Variants in EBF1 observed in about 807,000 individuals in gnomAD.
EBF1 encodes EBF transcription factor 1.
EBF1 carries 10 observed loss-of-function variants against 68.4 expected under a neutral mutation model. The observed-to-expected ratio is 0.15, with a 90% CI of 0.09 to 0.25. The LOEUF (loss-of-function observed/expected upper bound fraction) is 0.25. Ranked by LOEUF, EBF1 falls within the 10% of genes least tolerant of loss-of-function variation. The pLI is 1.00. For synonymous variants in EBF1, 298 were observed against 299.8 expected, an observed-to-expected ratio of 0.99 and a Z score of 0.06; for missense variants, 509 against 794.4, an observed-to-expected ratio of 0.64 and a Z score of 4.32.
In EBF1 at chr5:158,918,144, G is replaced by A. The variant is rs998287339; in HGVS notation, c.555-78034C>T. ...TCATTTGAAAGAAGAATTTTATGGC[G>A]ATTTTGTTTAAAGAATTCCACTGAT... is the stretch of plus-strand genomic sequence containing the variant. On this transcript the variant is annotated intron_variant, in intron 6 of 15. Coordinates refer to ENST00000313708, the MANE Select transcript of EBF1 (RefSeq NM_024007.5). 1.2e-4 allele frequency among the ~76,000 whole-genome samples: 19 copies of A among 152,260 alleles called. No homozygotes were observed. In the South Asian group the frequency reaches 1.5e-3, roughly 12 times the overall value.
intron 6 of EBF1, among the ~76,000 whole-genome samples, chr5:158,874,505 C>T (rs1797449218): frequency 6.6e-6 from 1 of 152,118 alleles, no homozygotes; most frequent in South Asian, 2.1e-4. Context: ...TAAATGTCTA[C>T]CGAAACCAAC....
chr5:158,939,302 G>A (rs1357012096), intron 6 of EBF1, among the ~76,000 whole-genome samples: 1 of 152,212 alleles, frequency 6.6e-6, no homozygotes, highest in East Asian at 1.9e-4. Context: ...GTGCTCCAAA[G>A]TACAAAGCTG....
intron 6 of EBF1, among the ~76,000 whole-genome samples, chr5:158,918,367 C>T (rs1807668546): frequency 6.6e-6 from 1 of 152,148 alleles, no homozygotes; most frequent in South Asian, 2.1e-4. Context: ...AATCCTCAGG[C>T]TCACCCAACT....
At chr5:158,879,955 C>T (rs1038878468) in intron 6 of EBF1, among the ~76,000 whole-genome samples, 1 of 152,116 alleles carries the variant, frequency 6.6e-6, no homozygotes, top group South Asian at 2.1e-4. Flanking sequence ...TTAGAGATCG[C>T]CTGGTACAAT....
intron 6 of EBF1, among the ~76,000 whole-genome samples, chr5:158,943,616 C>A (rs1813974495): frequency 6.6e-6 from 1 of 152,128 alleles, no homozygotes; most frequent in South Asian, 2.1e-4. Flanking sequence ...ATTCTGGGTT[C>A]TAGAATCAGG....
At chr5:158,964,736 C>T (rs1014687649) in intron 6 of EBF1, among the ~76,000 whole-genome samples, 2 of 152,164 alleles carry the variant, frequency 1.3e-5, no homozygotes, top group Admixed American at 6.5e-5. Context: ...GTTCCTTAAA[C>T]AGGTAGAGGC....
At chr5:159,097,791 C>T (rs1428738946) in intron 1 of EBF1, among the ~76,000 whole-genome samples, 1 of 152,222 alleles carries the variant, frequency 6.6e-6, no homozygotes, top group Non-Finnish European at 1.5e-5. Context: ...CGCTGTTCCG[C>T]AGAAATCCTC....
At chr5:158,899,933 C>T (rs916705424) in intron 6 of EBF1, among the ~76,000 whole-genome samples, 1 of 152,148 alleles carries the variant, frequency 6.6e-6, no homozygotes, top group South Asian at 2.1e-4. Flanking sequence ...GATTGCTCAT[C>T]GCCCTCCCAC....
chr5:158,861,825 T>TA (rs1795008376), intron 6 of EBF1, among the ~76,000 whole-genome samples: 1 of 150,208 alleles, frequency 6.7e-6, no homozygotes. Flanking sequence ...TTTTTTCTTA[T>TA]AAAGGTTGAT....
chr5:158,715,127 A>G (rs1478172398), intron 11 of EBF1, among the ~76,000 whole-genome samples: 2 of 152,184 alleles, frequency 1.3e-5, no homozygotes, highest in African/African-American at 4.8e-5. Flanking sequence ...GATGCATGTA[A>G]AAGGTAGGGG....
At chr5:158,857,954 C>CT (rs1470574502) in intron 6 of EBF1, among the ~76,000 whole-genome samples, 1 of 152,118 alleles carries the variant, frequency 6.6e-6, no homozygotes, top group Non-Finnish European at 1.5e-5. Flanking sequence ...CTTAACACAA[C>CT]TTTTTTTTCC....
chr5:158,763,898 A>G (rs1361427746), intron 10 of EBF1, among the ~76,000 whole-genome samples: 1 of 152,136 alleles, frequency 6.6e-6, no homozygotes, highest in Non-Finnish European at 1.5e-5. Context: ...CCTCCTCTAC[A>G]AAATGTTAGG....
At chr5:158,948,565 C>A (rs1373016320) in intron 6 of EBF1, among the ~76,000 whole-genome samples, 1 of 152,168 alleles carries the variant, frequency 6.6e-6, no homozygotes, top group Non-Finnish European at 1.5e-5. Flanking sequence ...TTTGCACTAC[C>A]TGCTATCTCT....
At position 159,073,468 on chromosome 5, in the gene EBF1, T is replaced by A; in HGVS notation, c.486-4A>T. The A allele has an allele frequency of 1.9e-6, 3 of 1,614,116 alleles. No individual in the cohort carries two copies. The South Asian group carries it at 3.3e-5, about 18-fold the overall frequency. On this transcript the variant is annotated splice_region_variant and splice_polypyrimidine_tract_variant and intron_variant, in intron 5 of 15. Coordinates refer to ENST00000313708, the MANE Select transcript of EBF1 (RefSeq NM_024007.5). ...GCTTTTCTTGTCACAACAGCGGCTATGGAGCAAAAGCGAAAGGATTTAGTA... is the reference window on the plus strand; with the variant it reads ...GCTTTTCTTGTCACAACAGCGGCTAAGGAGCAAAAGCGAAAGGATTTAGTA...
At chr5:159,017,919 C>T (rs1030859379) in intron 6 of EBF1, among the ~76,000 whole-genome samples, 3 of 152,164 alleles carry the variant, frequency 2.0e-5, no homozygotes, top group Non-Finnish European at 4.4e-5. Context: ...CTTCTTTCTC[C>T]CTGTGTTGCT....
intron 6 of EBF1, among the ~76,000 whole-genome samples, chr5:158,948,847 C>T (rs1583404398): frequency 6.6e-6 from 1 of 152,192 alleles, no homozygotes; most frequent in East Asian, 1.9e-4. Context: ...ACCTTCCTCC[C>T]CTACTTCATT....
chr5:158,902,920 A>G (rs1803761746), intron 6 of EBF1, among the ~76,000 whole-genome samples: 2 of 152,196 alleles, frequency 1.3e-5, no homozygotes, highest in African/African-American at 4.8e-5. Context: ...TGCTGGGTAG[A>G]GCCAAAGGAC....
At chr5:158,715,386 C>A (rs1760429436) in intron 11 of EBF1, among the ~76,000 whole-genome samples, 1 of 152,160 alleles carries the variant, frequency 6.6e-6, no homozygotes, top group South Asian at 2.1e-4. Flanking sequence ...AATCCTTGAA[C>A]AACTCTTGAA....
At chr5:158,834,507 TAA>T (rs72321019) in intron 7 of EBF1, among the ~76,000 whole-genome samples, 9 of 144,638 alleles carry the variant, frequency 6.2e-5, no homozygotes, top group East Asian at 6.0e-4. Flanking sequence ...CATTGTAAAT[TAA>T]AAAAAAAAAA....
Sources: allele counts gnomAD v4.1 joint callset (sites outside exome capture counted in the v4.1 genomes callset), GRCh38; gene constraint gnomAD v4.1.1; transcripts MANE v1.5; gene names NCBI Gene and HGNC (gene_info 2026-07-23, HGNC 2026-07-21).